LRRC4B: variants seen among roughly 807,000 people sequenced by gnomAD.
The protein encoded by LRRC4B is leucine-rich repeat-containing protein 4B.
Under a neutral mutation model 7.3 loss-of-function variants are expected in LRRC4B, and 1 was observed. That is an observed-to-expected ratio of 0.14 (90% CI 0.05 to 0.65). The LOEUF is 0.65. Ranked by LOEUF, LRRC4B falls within the 30% of genes least tolerant of loss-of-function variation. The probability of loss-of-function intolerance (pLI) is 0.84; values close to 1 mark genes in which losing one functional copy is unlikely to be tolerated. For missense variants in LRRC4B, 730 were observed against 1,041.6 expected, an observed-to-expected ratio of 0.70 and a Z score of 4.12; for synonymous variants, 500 against 499.2, an observed-to-expected ratio of 1.00 and a Z score of -0.02.
In LRRC4B at chr19:50,517,799, CACG is replaced by C; in HGVS notation, c.1911_1913del (p.Val638del). ...CCCCGCCCACACCACCCCCACTGGC[CACG>C]GCGGCCGCGGCGGCCACGGACACGG... On this transcript the variant is annotated inframe_deletion, in exon 3 of 3. Transcript: ENST00000652263. This position sits in a 1 kb window ranked among gnomAD's most constrained non-coding sequence, Gnocchi z 6.6. 6.6e-7 allele frequency: 1 copy of C among 1,505,282 alleles called. No homozygotes were observed. Among genetic ancestry groups the C allele is most frequent in the South Asian group, 1.3e-5 (1 of 79,024 alleles). 93.2% of individuals were successfully genotyped at this position (1,505,282 alleles called of 1,614,324 possible).
chr19:50,562,779 G>A (rs6509480), intron 1 of LRRC4B, among the ~76,000 whole-genome samples: 124,887 of 146,242 alleles, frequency 0.85, 54,325 homozygotes, highest in African/African-American at 0.96. Context: ...TGCTCTTGTC[G>A]TCTAGGCTGG....
At chr19:50,541,775 C>G (rs1001896460) in intron 2 of LRRC4B, among the ~76,000 whole-genome samples, 1 of 152,192 alleles carries the variant, frequency 6.6e-6, no homozygotes, top group East Asian at 1.9e-4. Context: ...GCAATTCCCT[C>G]TGGGTATATA....
Position 50,554,054 on chromosome 19 carries a change from C to T in LRRC4B, c.-35-5181G>A, listed in dbSNP as rs146369588. ...TGTTGCCCAGGCTGGAGTGCAGTGG[C>T]GCGATCTCAGCTCATGGCAACCTCT... On this transcript the variant is annotated intron_variant, in intron 1 of 2. Transcript: ENST00000652263. Among the ~76,000 whole-genome samples, 871 of 140,150 alleles carry T rather than the reference C, an allele frequency of 6.2e-3. 10 individuals carry two copies. The highest frequency in any genetic ancestry group is 0.021 in the African/African-American group (794 of 37,070). The allele number at this position is 140,150 out of a possible 152,430, so 91.9% of individuals were successfully genotyped here.
chr19:50,524,066 A>G (rs1353470684), intron 2 of LRRC4B, among the ~76,000 whole-genome samples: 2 of 152,132 alleles, frequency 1.3e-5, no homozygotes, highest in African/African-American at 4.8e-5. Flanking sequence ...TTTTTCCTCA[A>G]TGAGGAAAAA....
At chr19:50,560,690 C>T (rs377618150) in intron 1 of LRRC4B, among the ~76,000 whole-genome samples, 23 of 152,206 alleles carry the variant, frequency 1.5e-4, no homozygotes, top group Non-Finnish European at 2.5e-4. Context: ...CCCCAGGCTC[C>T]GCCTTGCAGT....
At chr19:50,528,620 C>T (rs979282730) in intron 2 of LRRC4B, among the ~76,000 whole-genome samples, 5 of 152,230 alleles carry the variant, frequency 3.3e-5, no homozygotes, top group East Asian at 1.9e-4. Context: ...GCTGCGATGA[C>T]GGGCGTGAGC....
At chr19:50,543,717 G>A (rs764573074) in intron 2 of LRRC4B, among the ~76,000 whole-genome samples, 8 of 151,428 alleles carry the variant, frequency 5.3e-5, no homozygotes, top group South Asian at 2.1e-4. Context: ...GCTGAGTGTC[G>A]TGGTGGGCAC....
At position 50,548,679 on chromosome 19, in the gene LRRC4B, C is replaced by T; in HGVS notation, c.160G>A (p.Ala54Thr). Reference sequence around the variant, plus strand: ...GAGCAGGCCACGGGGCAGGAGGTGGCCGGCGGGGAGCCCCCTCCGGCGGCA... The same window carrying T: ...GAGCAGGCCACGGGGCAGGAGGTGGTCGGCGGGGAGCCCCCTCCGGCGGCA... Reference protein sequence around the residue: ...TSAAGGGSPPATSCPVACSCS... With the variant: ...TSAAGGGSPPTTSCPVACSCS... Residue 54 changes from alanine to threonine, a missense_variant, in exon 2 of 3, where the codon GCC (alanine) becomes ACC (threonine). By Grantham distance (58) the Ala-to-Thr change is moderately conservative (BLOSUM62 0). Coordinates refer to ENST00000652263, the MANE Select transcript of LRRC4B (RefSeq NM_001080457.2). This position sits in a 1 kb window ranked among gnomAD's most constrained non-coding sequence, Gnocchi z 6.8. 1 of 1,554,098 alleles carries T rather than the reference C, an allele frequency of 6.4e-7. No homozygotes were observed. The highest frequency in any genetic ancestry group is 8.7e-7 in the Non-Finnish European group (1 of 1,152,908).
chr19:50,548,671 G>A lies in LRRC4B; in HGVS notation c.168C>T (p.Ser56=). Reference sequence around the variant, plus strand: ...TGCTGCAGGAGCAGGCCACGGGGCAGGAGGTGGCCGGCGGGGAGCCCCCTC... The same window carrying A: ...TGCTGCAGGAGCAGGCCACGGGGCAAGAGGTGGCCGGCGGGGAGCCCCCTC... ...AAGGGSPPAT[S]CPVACSCSNQ... is the part of the protein sequence containing the mutation. The change falls in exon 2 of 3, where the codon TCC becomes TCT. Residue 56 remains serine, a synonymous_variant. Transcript: ENST00000652263. This position sits in a 1 kb window ranked among gnomAD's most constrained non-coding sequence, Gnocchi z 6.8. The A allele has an allele frequency of 6.4e-7, 1 of 1,558,800 alleles. No individual in the cohort carries two copies. The highest frequency in any genetic ancestry group is 1.2e-5 in the South Asian group (1 of 85,422).
rs1054029737 is a variant in LRRC4B, at chr19:50,537,481, C to T, written c.297+11061G>A. ...TCAGAGAGGTGACTCAACGCCTTAGCGTCATTCGTGGAGGGGAGAACGCGG... is the reference window on the plus strand; with the variant it reads ...TCAGAGAGGTGACTCAACGCCTTAGTGTCATTCGTGGAGGGGAGAACGCGG... On this transcript the variant is annotated intron_variant, in intron 2 of 2. Transcript: ENST00000652263. The surrounding 1 kb of genome is among the most constrained non-coding windows in gnomAD (Gnocchi z 5.5). 1.9e-4 allele frequency among the ~76,000 whole-genome samples: 29 copies of T among 152,160 alleles called. No individual in the cohort carries two copies. Among genetic ancestry groups the T allele is most frequent in the African/African-American group, 6.0e-4 (25 of 41,434 alleles).
At chr19:50,549,346 C>G in intron 1 of LRRC4B, among the ~76,000 whole-genome samples, 1 of 152,312 alleles carries the variant, frequency 6.6e-6, no homozygotes. Context: ...AACACCCGCC[C>G]GGTCCCCTTG....
chr19:50,548,639 G>A lies in LRRC4B; in HGVS notation c.200C>T (p.Ala67Val). ...CPVACSCSNQ[A>V]SRVICTRRDL... Reference sequence around the variant, plus strand: ...TCTCCGTGTGCAGATCACCCGGCTGGCCTGGTTGCTGCAGGAGCAGGCCAC... The same window carrying A: ...TCTCCGTGTGCAGATCACCCGGCTGACCTGGTTGCTGCAGGAGCAGGCCAC... Residue 67 changes from alanine to valine, a missense_variant, in exon 2 of 3, where the codon GCC becomes GTC. By Grantham distance (64) the Ala-to-Val change is moderately conservative (BLOSUM62 0). Coordinates refer to ENST00000652263, the MANE Select transcript of LRRC4B (RefSeq NM_001080457.2). The surrounding 1 kb of genome is among the most constrained non-coding windows in gnomAD (Gnocchi z 6.8). 6.3e-7 allele frequency: 1 copy of A among 1,583,038 alleles called. No homozygotes were observed. The highest frequency in any genetic ancestry group is 8.6e-7 in the Non-Finnish European group (1 of 1,167,320).
At chr19:50,535,956 C>T (rs75107512) in intron 2 of LRRC4B, among the ~76,000 whole-genome samples, 2,347 of 152,322 alleles carry the variant, frequency 0.015, 72 homozygotes, top group African/African-American at 0.053. Flanking sequence ...CAAGACCAAG[C>T]AAGGCAGCAG....
rs146086457 is a variant in LRRC4B, at chr19:50,523,549, G to C, written c.298-4134C>G. The stretch of plus-strand genomic sequence containing the variant: ...AAAAATTAGCCGGGGGTGGTGGGGG[G>C]TGCCTGTAATCCCAGTTACTCGGGA... On this transcript the variant is annotated intron_variant, in intron 2 of 2. Transcript: ENST00000652263. Among the ~76,000 whole-genome samples, 530 of 151,710 alleles carry C rather than the reference G, an allele frequency of 3.5e-3. 3 individuals carry two copies. The highest frequency in any genetic ancestry group is 0.012 in the African/African-American group (505 of 41,302).
At chr19:50,554,367 G>A (rs192157667) in intron 1 of LRRC4B, among the ~76,000 whole-genome samples, 2 of 152,094 alleles carry the variant, frequency 1.3e-5, no homozygotes, top group East Asian at 1.9e-4. Flanking sequence ...GTCACCCTCC[G>A]TGCCCCAGCA....
At chr19:50,539,125 G>A (rs1012712484) in intron 2 of LRRC4B, among the ~76,000 whole-genome samples, 1 of 152,056 alleles carries the variant, frequency 6.6e-6, no homozygotes, top group African/African-American at 2.4e-5. Context: ...TGATCCACCT[G>A]CCTTGGCTTC....
intron 2 of LRRC4B, among the ~76,000 whole-genome samples, chr19:50,520,814 G>T (rs950128694): frequency 6.6e-6 from 1 of 151,976 alleles, no homozygotes; most frequent in Non-Finnish European, 1.5e-5. Flanking sequence ...AGAATTTTGG[G>T]ATTGAAGAGG....
chr19:50,529,180 C>CA (rs1000819667), intron 2 of LRRC4B, among the ~76,000 whole-genome samples: 6 of 151,880 alleles, frequency 4.0e-5, no homozygotes, highest in African/African-American at 1.2e-4. Flanking sequence ...ACACCAACAG[C>CA]AAAAAAACAC....
intron 1 of LRRC4B, among the ~76,000 whole-genome samples, chr19:50,558,606 A>C (rs539194459): frequency 1.3e-5 from 2 of 152,260 alleles, no homozygotes; most frequent in Non-Finnish European, 2.9e-5. Context: ...GCTGTCCAGC[A>C]CTGGTGGCCA....
Sources: allele counts gnomAD v4.1 joint callset (sites outside exome capture counted in the v4.1 genomes callset), GRCh38; gene constraint gnomAD v4.1.1; non-coding constraint Gnocchi (gnomAD v3.1); transcripts MANE v1.5; gene names NCBI Gene and HGNC (gene_info 2026-07-23, HGNC 2026-07-21).